Variants in ALK observed in about 807,000 individuals in gnomAD.
ALK encodes the protein ALK tyrosine kinase receptor.
Under a neutral mutation model 163.1 loss-of-function variants are expected in ALK, and 74 were observed. The observed-to-expected ratio is 0.45, with a 90% CI of 0.38 to 0.55. ALK has a LOEUF of 0.55. ALK is among the 20% of genes least tolerant of loss of function. The pLI is 0.00. For synonymous variants in ALK, 960 were observed against 843.2 expected (o/e 1.14, Z -2.40); for missense variants, 2,063 against 2,105.3 (o/e 0.98, Z 0.39).
intron 4 of ALK, among the ~76,000 whole-genome samples, chr2:29,523,197 C>T (rs1055524922): frequency 6.6e-6 from 1 of 152,162 alleles, no homozygotes; most frequent in Non-Finnish European, 1.5e-5. Flanking sequence ...GTCCTTTGCA[C>T]ACGTGCACTC....
chr2:29,465,581 C>G (rs1239733195), intron 4 of ALK, among the ~76,000 whole-genome samples: 2 of 152,092 alleles, frequency 1.3e-5, no homozygotes, highest in Non-Finnish European at 2.9e-5. Context: ...GTAATCCCAG[C>G]TGCTCAGGAA....
At chr2:29,316,230 C>G (rs1303872881) in intron 8 of ALK, among the ~76,000 whole-genome samples, 1 of 152,144 alleles carries the variant, frequency 6.6e-6, no homozygotes, top group East Asian at 1.9e-4. Flanking sequence ...TTTCTCCCAA[C>G]ATTGGGAATT....
intron 5 of ALK, among the ~76,000 whole-genome samples, chr2:29,356,031 C>G (rs1309227764): frequency 6.6e-6 from 1 of 152,140 alleles, no homozygotes; most frequent in African/African-American, 2.4e-5. Context: ...ATGGTAAAAT[C>G]AAGGCTCCCT....
intron 5 of ALK, among the ~76,000 whole-genome samples, chr2:29,358,398 T>C (rs1202514612): frequency 6.6e-6 from 1 of 152,236 alleles, no homozygotes. Flanking sequence ...CAGGTAGAAG[T>C]AAATATGGAG....
intron 1 of ALK, among the ~76,000 whole-genome samples, chr2:29,853,519 G>A (rs116305287): frequency 0.014 from 2,154 of 152,098 alleles, 57 homozygotes; most frequent in African/African-American, 0.049. Flanking sequence ...ACCCAGTTCC[G>A]CCACCTTCAT....
intron 3 of ALK, among the ~76,000 whole-genome samples, chr2:29,673,373 T>A (rs79834525): frequency 0.84 from 104,119 of 124,006 alleles, 43,908 homozygotes; most frequent in African/African-American, 0.93. Flanking sequence ...AAGGAAGGGA[T>A]CCAGTTTCAG....
intron 24 of ALK, 50 bp downstream of exon 24, chr2:29,213,934 A>G (rs755486964): frequency 6.7e-7 from 1 of 1,493,208 alleles, no homozygotes; most frequent in Non-Finnish European, 9.3e-7. Context: ...GCGGGGAAGC[A>G]CACAGATCAG....
intron 4 of ALK, among the ~76,000 whole-genome samples, chr2:29,396,201 G>A (rs1031766857): frequency 1.3e-5 from 2 of 152,120 alleles, no homozygotes; most frequent in African/African-American, 4.8e-5. Flanking sequence ...CTCCATGGTG[G>A]CAAGTATCCT....
intron 3 of ALK, among the ~76,000 whole-genome samples, chr2:29,601,473 C>T (rs1019711981): frequency 2.0e-5 from 3 of 151,512 alleles, no homozygotes; most frequent in South Asian, 2.1e-4. Flanking sequence ...GGGGAGGGGC[C>T]GGGGCTGTAA....
At chr2:29,772,732 T>C (rs1681061991) in intron 1 of ALK, among the ~76,000 whole-genome samples, 1 of 152,216 alleles carries the variant, frequency 6.6e-6, no homozygotes, top group Non-Finnish European at 1.5e-5. Context: ...ACAAGCCTTA[T>C]ACACTATTTG....
intron 1 of ALK, among the ~76,000 whole-genome samples, chr2:29,771,593 G>A (rs1348726184): frequency 6.6e-6 from 1 of 151,776 alleles, no homozygotes; most frequent in Non-Finnish European, 1.5e-5. Flanking sequence ...GGAGTGCAGT[G>A]TCACGATCTC....
In ALK at chr2:29,267,201, T is replaced by G. The variant is rs551971986; in HGVS notation, c.2041+7898A>C. ...TCCAGCCAGTTAGGAAGTGAGGCCC[T>G]CAGTCCAGTAACCCTCCAAGAACTG... On this transcript the variant is annotated intron_variant, in intron 11 of 28. Transcript: ENST00000389048. Among the ~76,000 whole-genome samples, 12 of 150,766 alleles carry G rather than the reference T, an allele frequency of 8.0e-5. No homozygotes were observed. In the East Asian group the frequency reaches 2.2e-3, roughly 27 times the overall value.
intron 4 of ALK, among the ~76,000 whole-genome samples, chr2:29,391,926 G>T (rs2148307965): frequency 1.3e-5 from 2 of 152,328 alleles, no homozygotes; most frequent in South Asian, 4.1e-4. Context: ...TAATTAAGAA[G>T]TGGGAATACT....
intron 3 of ALK, among the ~76,000 whole-genome samples, chr2:29,600,150 C>T (rs1558403022): frequency 6.6e-6 from 1 of 152,150 alleles, no homozygotes; most frequent in Non-Finnish European, 1.5e-5. Context: ...GCTAAGACCC[C>T]CCAAGACTGT....
intron 9 of ALK, among the ~76,000 whole-genome samples, chr2:29,289,246 C>G (rs1208786237): frequency 7.9e-5 from 12 of 152,168 alleles, no homozygotes; most frequent in Admixed American, 7.9e-4. Flanking sequence ...GGGACCCCAG[C>G]CCTGCCAAAG....
In ALK at chr2:29,232,328, G is replaced by A; in HGVS notation, c.2608C>T (p.Leu870=). 6.2e-7 allele frequency: 1 copy of A among 1,614,264 alleles called. No homozygotes were observed. The highest frequency in any genetic ancestry group is 8.5e-7 in the Non-Finnish European group (1 of 1,180,046). The part of the protein sequence containing the change: ...RLENNSSVLG[L]NGNSGAAGGG... The stretch of plus-strand genomic sequence containing the variant: ...CCTGCGGCTCCGGAATTGCCGTTTA[G>A]CCCTAGAACCGAGGAGTTATTCTCC... Residue 870 remains leucine (L), a synonymous_variant, in exon 15 of 29, where the codon CTA becomes TTA. Coordinates refer to ENST00000389048, the MANE Select transcript of ALK (RefSeq NM_004304.5).
intron 1 of ALK, among the ~76,000 whole-genome samples, chr2:29,886,665 CAAGT>C (rs1666992566): frequency 6.6e-6 from 1 of 152,220 alleles, no homozygotes; most frequent in Admixed American, 6.5e-5. Context: ...AAGAGACACT[CAAGT>C]AAGACAGACC....
At chr2:29,655,688 A>G (rs1677164511) in intron 3 of ALK, among the ~76,000 whole-genome samples, 1 of 152,216 alleles carries the variant, frequency 6.6e-6, no homozygotes, top group Non-Finnish European at 1.5e-5. Flanking sequence ...TTCAGAGATC[A>G]GGCTCATTTA....
intron 1 of ALK, among the ~76,000 whole-genome samples, chr2:29,902,382 C>A (rs990441999): frequency 1.3e-5 from 2 of 152,210 alleles, no homozygotes; most frequent in African/African-American, 2.4e-5. Context: ...CATCATCCTG[C>A]TGAATCTGCA....
Sources: gnomAD v4.1 joint callset for allele counts (sites outside exome capture counted in the v4.1 genomes callset) on GRCh38, gnomAD v4.1.1 for gene constraint, MANE v1.5 for transcripts, NCBI Gene and HGNC (gene_info 2026-07-23, HGNC 2026-07-21) for gene names.